TRIM55: variants seen among roughly 807,000 people sequenced by gnomAD.
TRIM55 encodes tripartite motif-containing protein 55.
Under a neutral mutation model 60.9 loss-of-function variants are expected in TRIM55, and 50 were observed. The observed-to-expected ratio is 0.82, with a 90% CI of 0.65 to 1.04. The LOEUF is 1.04. Ranked by LOEUF, TRIM55 falls within the 50% of genes least tolerant of loss-of-function variation. TRIM55 has a pLI of 0.00. For synonymous variants in TRIM55, 237 were observed against 238.1 expected (o/e 1.00, Z 0.04); for missense variants, 681 against 666.9 (o/e 1.02, Z -0.23).
At chr8:66,114,247 T>A in the TRIM55 span, among the ~76,000 whole-genome samples, 1 of 152,162 alleles carries the variant, frequency 6.6e-6, no homozygotes, top group Non-Finnish European at 1.5e-5. Context: ...GCGGGATCGA[T>A]GCCCGCATCC....
In TRIM55 at chr8:66,127,183, C is replaced by T; in HGVS notation, c.-86C>T. The T allele has an allele frequency of 3.6e-6, 5 of 1,394,152 alleles. No individual in the cohort carries two copies. The highest frequency in any genetic ancestry group is 2.0e-5 in the Admixed American group (1 of 49,202). The allele number at this position is 1,394,152 out of a possible 1,614,324, so 86.4% of individuals were successfully genotyped here. ...GAAACGTAAAGGACACTTGATCACACAATCCCTGGAATAATATCCAGGAAA... is the reference window on the plus strand; with the variant it reads ...GAAACGTAAAGGACACTTGATCACATAATCCCTGGAATAATATCCAGGAAA... On this transcript the variant is annotated 5_prime_UTR_variant, in exon 1 of 10. Coordinates refer to ENST00000315962, the MANE Select transcript of TRIM55 (RefSeq NM_184085.2).
intron 4 of TRIM55, 31 bp downstream of exon 4, chr8:66,137,221 C>T (rs938898976): frequency 2.6e-6 from 4 of 1,562,030 alleles, no homozygotes; most frequent in African/African-American, 2.7e-5. Context: ...AGCGTCTCAA[C>T]CAAGCCTGCA....
chr8:66,128,519 C>A (rs1808959356), intron 2 of TRIM55, 43 bp downstream of exon 2: 1 of 1,586,708 alleles, frequency 6.3e-7, no homozygotes, highest in Non-Finnish European at 8.6e-7. Flanking sequence ...CCATCTGAAA[C>A]TTGTTTTTGT....
the TRIM55 span, chr8:66,114,913 C>A: frequency 4.1e-6 from 1 of 242,360 alleles, no homozygotes; most frequent in Non-Finnish European, 8.4e-6. Context: ...GATAAAAGTT[C>A]TATCTAGGAC....
chr8:66,174,505 C>CTGCA lies in TRIM55; in HGVS notation c.1560_1563dup (p.Ala522CysfsTer10). On this transcript the variant is annotated frameshift_variant, in exon 10 of 10. Coordinates refer to ENST00000315962, the MANE Select transcript of TRIM55 (RefSeq NM_184085.2). LOFTEE classifies it high-confidence loss of function. Reference sequence around the variant, plus strand: ...GAGGCTCCTCCCCTCCAGGGACAGGCTGCAGCTCCAGCGAGTGGCAGTGGA... The same window carrying CTGCA: ...GAGGCTCCTCCCCTCCAGGGACAGGCTGCATGCAGCTCCAGCGAGTGGCAGTGGA... The CTGCA allele has an allele frequency of 6.2e-7, 1 of 1,612,560 alleles. No homozygotes were observed. The highest frequency in any genetic ancestry group is 8.5e-7 in the Non-Finnish European group (1 of 1,179,630).
At chr8:66,127,059 T>C (rs1808846262), upstream of TRIM55, 1 of 484,770 alleles carries the variant, frequency 2.1e-6, no homozygotes, top group Non-Finnish European at 3.7e-6. Context: ...CACTGGCTTA[T>C]ATGGACACGT....
chr8:66,147,137 T>C (rs983442541), intron 4 of TRIM55, among the ~76,000 whole-genome samples: 9 of 152,246 alleles, frequency 5.9e-5, no homozygotes, highest in South Asian at 2.1e-4. Flanking sequence ...ACATTATTGG[T>C]CTATAGTCTT....
In TRIM55 at chr8:66,173,725, C is replaced by T. The variant is rs959232000; in HGVS notation, c.1525-746C>T. On this transcript the variant is annotated intron_variant, in intron 9 of 9. Coordinates refer to ENST00000315962, the MANE Select transcript of TRIM55 (RefSeq NM_184085.2). ...ACTTCTTCCTGATTGTCCCTCATTC[C>T]ATTAAGTTGTGATTTTTAAAGGCAA... Among the ~76,000 whole-genome samples, 36 of 152,106 alleles carry T rather than the reference C, an allele frequency of 2.4e-4. 1 individual carries two copies. Among genetic ancestry groups the T allele is most frequent in the Admixed American group, 2.4e-3 (36 of 15,266 alleles).
intron 9 of TRIM55, among the ~76,000 whole-genome samples, chr8:66,156,608 AG>A (rs1376667034): frequency 2.6e-5 from 4 of 152,138 alleles, no homozygotes; most frequent in Non-Finnish European, 5.9e-5. Context: ...GCTGGGCCTG[AG>A]ACCCAACTCC....
At chr8:66,128,770 G>A (rs1232904043) in intron 2 of TRIM55, among the ~76,000 whole-genome samples, 2 of 152,010 alleles carry the variant, frequency 1.3e-5, no homozygotes, top group Non-Finnish European at 2.9e-5. Flanking sequence ...CCACCTTAAA[G>A]CCTGGTATTA....
chr8:66,160,539 A>T (rs916321485), intron 9 of TRIM55, among the ~76,000 whole-genome samples: 1 of 152,162 alleles, frequency 6.6e-6, no homozygotes, highest in Non-Finnish European at 1.5e-5. Flanking sequence ...GCAGATACCC[A>T]GTAGTGGTAT....
intron 2 of TRIM55, among the ~76,000 whole-genome samples, chr8:66,133,264 T>G (rs1809273116): frequency 6.6e-6 from 1 of 152,220 alleles, no homozygotes; most frequent in Non-Finnish European, 1.5e-5. Context: ...TGGGTGGTGT[T>G]ACACTAGAGC....
chr8:66,119,604 A>G, the TRIM55 span, among the ~76,000 whole-genome samples: 2 of 152,244 alleles, frequency 1.3e-5, no homozygotes, highest in African/African-American at 2.4e-5. Flanking sequence ...TTTGACAGTT[A>G]CAATGAAGAA....
chr8:66,142,839 T>G (rs1809896336), intron 4 of TRIM55, among the ~76,000 whole-genome samples: 1 of 152,226 alleles, frequency 6.6e-6, no homozygotes, highest in Admixed American at 6.5e-5. Context: ...TCTGTCCCCT[T>G]TCTAGGGACA....
chr8:66,168,984 G>A (rs979623892), intron 9 of TRIM55, among the ~76,000 whole-genome samples: 2 of 152,182 alleles, frequency 1.3e-5, no homozygotes, highest in Non-Finnish European at 2.9e-5. Flanking sequence ...ACAGGTAAGC[G>A]TTAGTGGATC....
At chr8:66,162,146 C>T (rs150086662) in intron 9 of TRIM55, among the ~76,000 whole-genome samples, 1,795 of 152,108 alleles carry the variant, frequency 0.012, 15 homozygotes, top group Non-Finnish European at 0.017. Context: ...ATTTTGTTGG[C>T]TGTGGGTTTG....
At position 66,128,482 on chromosome 8, in the gene TRIM55, A is replaced by G; in HGVS notation, c.341+6A>G. On this transcript the variant is annotated splice_donor_region_variant and intron_variant, in intron 2 of 9. Coordinates refer to ENST00000315962, the MANE Select transcript of TRIM55 (RefSeq NM_184085.2). ...TACAAGCAGGAGTCCACCAGGTAACACTCTTCCACTCTTCCATGTGTCAAG... is the reference window on the plus strand; with the variant it reads ...TACAAGCAGGAGTCCACCAGGTAACGCTCTTCCACTCTTCCATGTGTCAAG... The G allele has an allele frequency of 6.2e-7, 1 of 1,608,710 alleles. No individual in the cohort carries two copies. The highest frequency in any genetic ancestry group is 8.5e-7 in the Non-Finnish European group (1 of 1,178,054).
At chr8:66,136,185 A>G (rs1355777271) in intron 3 of TRIM55, among the ~76,000 whole-genome samples, 2 of 152,162 alleles carry the variant, frequency 1.3e-5, no homozygotes, top group Non-Finnish European at 2.9e-5. Context: ...GCATAGCATA[A>G]TAGAACTGGA....
the TRIM55 span, among the ~76,000 whole-genome samples, chr8:66,118,168 C>CAAAAAAAAAAA: frequency 1.7e-3 from 69 of 39,888 alleles, no homozygotes; most frequent in Non-Finnish European, 2.3e-3. Context: ...GACTCCGTCT[C>CAAAAAAAAAAA]AAAAAAAAAA....
Sources: gnomAD v4.1 joint callset for allele counts (sites outside exome capture counted in the v4.1 genomes callset) on GRCh38, gnomAD v4.1.1 for gene constraint, MANE v1.5 for transcripts, NCBI Gene and HGNC (gene_info 2026-07-23, HGNC 2026-07-21) for gene names.